The following HDAC8 variants were observed in gnomAD, a reference collection of about 807,000 sequenced individuals.
HDAC8 encodes histone deacetylase 8.
A neutral mutation model predicts 32.2 loss-of-function variants in HDAC8; 1 was observed. The observed-to-expected ratio is 0.03, with a 90% CI of 0.01 to 0.15. The LOEUF (loss-of-function observed/expected upper bound fraction) is 0.15, where lower values mean the gene tolerates loss of function less well. Among genes scored for constraint, HDAC8 ranks in the 10% least tolerant of loss-of-function variants. The pLI is 1.00. For synonymous variants in HDAC8, 108 were observed against 113.9 expected (o/e 0.95, Z 0.33); for missense variants, 117 against 300.0 (o/e 0.39, Z 4.51).
chrX:72,357,909 TTTC>T (rs1251043423), intron 9 of HDAC8, among the ~76,000 whole-genome samples: 2 of 110,730 alleles, frequency 1.8e-5, no homozygotes, highest in Admixed American at 1.9e-4. Context: ...CTTTTCTTTC[TTTC>T]TTTTTTTTTT....
chrX:72,424,006 C>T (rs905518704), intron 9 of HDAC8, among the ~76,000 whole-genome samples: 8 of 112,220 alleles, frequency 7.1e-5, no homozygotes, highest in African/African-American at 2.6e-4. Context: ...ACATCTACTC[C>T]AAGTTTCCTG....
At chrX:72,445,930 A>C (rs1470014034) in intron 9 of HDAC8, among the ~76,000 whole-genome samples, 2 of 112,533 alleles carry the variant, frequency 1.8e-5, no homozygotes, top group Admixed American at 1.9e-4. Context: ...AAACACATGA[A>C]AAAATGCTCA....
In HDAC8 at chrX:72,444,866, A is replaced by T. The variant is rs782704228; in HGVS notation, c.1005+17138T>A. ...CAGGATACAAAATCAATGTGCAAAA[A>T]TCACAAGCATTCTTATACACCAATA... is the stretch of plus-strand genomic sequence containing the variant. On this transcript the variant is annotated intron_variant, in intron 9 of 10. Transcript: ENST00000373573. Among the ~76,000 whole-genome samples, 6 of 108,815 alleles carry T rather than the reference A, an allele frequency of 5.5e-5. No homozygotes were observed. In the East Asian group the frequency reaches 1.7e-3, roughly 32 times the overall value. 94.5% of individuals were successfully genotyped at this position (108,815 alleles called of 115,157 possible).
intron 4 of HDAC8, among the ~76,000 whole-genome samples, chrX:72,540,705 C>T (rs182247640): frequency 6.2e-5 from 7 of 112,022 alleles, no homozygotes; most frequent in African/African-American, 2.3e-4. Context: ...AAGATATTAC[C>T]ACTGATTCAT....
intron 9 of HDAC8, among the ~76,000 whole-genome samples, chrX:72,421,228 T>G (rs1663836518): frequency 9.0e-6 from 1 of 111,710 alleles, no homozygotes; most frequent in Admixed American, 9.5e-5. Flanking sequence ...TTTAAAATGT[T>G]TCTTCAACTT....
chrX:72,438,296 C>T (rs782655392), intron 9 of HDAC8, among the ~76,000 whole-genome samples: 1 of 111,872 alleles, frequency 8.9e-6, no homozygotes, highest in African/African-American at 3.3e-5. Flanking sequence ...GGAATAGCAC[C>T]AACACCAACA....
intron 7 of HDAC8, among the ~76,000 whole-genome samples, chrX:72,481,089 T>C (rs2048484572): frequency 9.0e-6 from 1 of 110,863 alleles, no homozygotes; most frequent in African/African-American, 3.3e-5. Flanking sequence ...ACTAGGTAAT[T>C]TATAGAGGTT....
chrX:72,536,093 G>C (rs1490932722), intron 4 of HDAC8, among the ~76,000 whole-genome samples: 1 of 111,562 alleles, frequency 9.0e-6, no homozygotes, highest in African/African-American at 3.3e-5. Flanking sequence ...TCTTCTGTGG[G>C]CTCCTTTTCG....
At chrX:72,567,819 C>T (rs1556138181) in intron 4 of HDAC8, 70 bp downstream of exon 4, 1 of 1,210,472 alleles carries the variant, frequency 8.3e-7, no homozygotes, top group Non-Finnish European at 1.1e-6. Flanking sequence ...ATACAATAAG[C>T]ATAAGAGTTT....
At chrX:72,510,224 A>C (rs2147327629) in intron 4 of HDAC8, among the ~76,000 whole-genome samples, 1 of 112,167 alleles carries the variant, frequency 8.9e-6, no homozygotes, top group African/African-American at 3.2e-5. Flanking sequence ...ACATAGGAAC[A>C]CGTGTGAAAA....
At chrX:72,424,325 A>T (rs2046570708) in intron 9 of HDAC8, among the ~76,000 whole-genome samples, 1 of 111,453 alleles carries the variant, frequency 9.0e-6, no homozygotes, top group African/African-American at 3.3e-5. Context: ...TTGGGCAACC[A>T]GTGGGCCCTG....
chrX:72,519,047 C>T (rs782568280), intron 4 of HDAC8, among the ~76,000 whole-genome samples: 3 of 112,483 alleles, frequency 2.7e-5, no homozygotes, highest in East Asian at 5.6e-4. Flanking sequence ...TTTGTGTATA[C>T]GTTTTCATGT....
chrX:72,462,240 A>G, intron 8 of HDAC8, 142 bp from the exon 9 acceptor site: 1 of 480,096 alleles, frequency 2.1e-6, no homozygotes, highest in Non-Finnish European at 3.5e-6. Context: ...CCCCTTTGTG[A>G]TATTTTTAAA....
intron 9 of HDAC8, among the ~76,000 whole-genome samples, chrX:72,388,070 T>C (rs2045499042): frequency 9.1e-6 from 1 of 109,824 alleles, no homozygotes; most frequent in Non-Finnish European, 1.9e-5. Context: ...AAGAAGTACC[T>C]TGGTCAAAGG....
In HDAC8 at chrX:72,426,796, C is replaced by T. The variant is rs377442285; in HGVS notation, c.1005+35208G>A. Among the ~76,000 whole-genome samples the T allele has an allele frequency of 2.2e-4, 24 of 110,279 alleles. No individual in the cohort carries two copies. The East Asian group carries it at 2.6e-3, about 12-fold the overall frequency. On this transcript the variant is annotated intron_variant, in intron 9 of 10. Coordinates refer to ENST00000373573, the MANE Select transcript of HDAC8 (RefSeq NM_018486.3). ...GAATTCATATGTTGAAGCCCTAACCCCCACTGTGACTATACTTGGAGATAG... is the reference window on the plus strand; with the variant it reads ...GAATTCATATGTTGAAGCCCTAACCTCCACTGTGACTATACTTGGAGATAG...
chrX:72,416,409 T>G (rs2984284), intron 9 of HDAC8, among the ~76,000 whole-genome samples: 1 of 55,686 alleles, frequency 1.8e-5, no homozygotes, highest in Non-Finnish European at 3.2e-5. Flanking sequence ...GTCTTCTCTG[T>G]TTTTTTTTTT....
chrX:72,345,856 A>AT (rs1458123179), intron 10 of HDAC8, among the ~76,000 whole-genome samples: 5 of 108,995 alleles, frequency 4.6e-5, no homozygotes, highest in East Asian at 2.9e-4. Context: ...TAATTTTTGT[A>AT]TTTTTTTTGT....
intron 4 of HDAC8, among the ~76,000 whole-genome samples, chrX:72,538,987 G>C (rs782309855): frequency 8.9e-6 from 1 of 111,871 alleles, no homozygotes; most frequent in African/African-American, 3.2e-5. Context: ...GCCAAGAGGA[G>C]CCTAAGGAGA....
chrX:72,475,904 C>T (rs797028292), intron 7 of HDAC8, among the ~76,000 whole-genome samples: 1 of 111,420 alleles, frequency 9.0e-6, no homozygotes, highest in East Asian at 2.8e-4. Context: ...AATTTCTTAA[C>T]GTTTTAAAGG....
Sources: gnomAD v4.1 joint callset for allele counts (sites outside exome capture counted in the v4.1 genomes callset) on GRCh38, gnomAD v4.1.1 for gene constraint, MANE v1.5 for transcripts, NCBI Gene and HGNC (gene_info 2026-07-23, HGNC 2026-07-21) for gene names.